Variants in ACTR6 observed in about 807,000 individuals in gnomAD.
ACTR6 encodes actin related protein 6, also known as actin-related protein 6.
Under a neutral mutation model 52.5 loss-of-function variants are expected in ACTR6, and 50 were observed. The ratio of observed to expected loss-of-function variants is 0.95; its 90% CI spans 0.76 to 1.20. The LOEUF (loss-of-function observed/expected upper bound fraction) is 1.20. ACTR6 is among the 50% of genes most tolerant of loss of function. The probability of loss-of-function intolerance (pLI) is 0.00; values close to 1 mark genes in which losing one functional copy is unlikely to be tolerated. For missense variants in ACTR6, 344 were observed against 472.4 expected (o/e 0.73, Z 2.52); for synonymous variants, 135 against 147.2 (o/e 0.92, Z 0.60).
intron 10 of ACTR6, among the ~76,000 whole-genome samples, chr12:100,223,230 A>G (rs982759056): frequency 6.6e-6 from 1 of 152,190 alleles, no homozygotes; most frequent in Non-Finnish European, 1.5e-5. Context: ...AGTCCCAGCT[A>G]CTTCGGAGGC....
At position 100,218,590 on chromosome 12, in the gene ACTR6, C is replaced by T. The variant is rs201605898; in HGVS notation, c.922+4C>T. ...TCAATTCAAAATCTACCTGAAGGTA[C>T]ATAAATAGAGTAAAATACTAAAGAA... On this transcript the variant is annotated splice_donor_region_variant and intron_variant, in intron 9 of 10. Transcript: ENST00000188312. The surrounding 1 kb of genome is among the most constrained non-coding windows in gnomAD (Gnocchi z 4.2). The T allele has an allele frequency of 4.3e-4, 633 of 1,471,660 alleles. No individual in the cohort carries two copies. Among genetic ancestry groups the T allele is most frequent in the Non-Finnish European group, 5.4e-4 (591 of 1,103,930 alleles). The allele number at this position is 1,471,660 out of a possible 1,614,324, so 91.2% of individuals were successfully genotyped here.
At position 100,207,587 on chromosome 12, in the gene ACTR6, ATTTG is replaced by A. The variant is rs1246282261; in HGVS notation, c.256-70_256-67del. 1.4e-5 allele frequency: 17 copies of A among 1,248,962 alleles called. No individual in the cohort carries two copies. The African/African-American group carries it at 1.5e-4, about 11-fold the overall frequency. The allele number at this position is 1,248,962 out of a possible 1,614,324, so 77.4% of individuals were successfully genotyped here. The stretch of plus-strand genomic sequence containing the variant: ...CACGATTATTGTGAGGATTAAATAA[ATTTG>A]TTTGTACATGTAAAACAAGTGTTAA... On this transcript the variant is annotated intron_variant, in intron 3 of 10. Coordinates refer to ENST00000188312, the MANE Select transcript of ACTR6 (RefSeq NM_022496.5).
Position 100,205,712 on chromosome 12 carries a change from T to A in ACTR6, c.223T>A (p.Trp75Arg), listed in dbSNP as rs2096113988. The A allele has an allele frequency of 6.6e-7, 1 of 1,523,322 alleles. No individual in the cohort carries two copies. The highest frequency in any genetic ancestry group is 2.0e-5 in the Admixed American group (1 of 49,136). 94.4% of individuals were successfully genotyped at this position (1,523,322 alleles called of 1,614,324 possible). A position where few individuals can be genotyped will look rare whatever the true frequency, so the allele number is the denominator to read the frequency against. The change falls in exon 3 of 11, where the codon TGG (tryptophan) becomes AGG (arginine). Residue 75 changes from tryptophan (W) to arginine (R), a missense_variant. Physicochemically the swap from Trp to Arg is moderately radical, Grantham distance 101. Transcript: ENST00000188312. Reference protein sequence around the residue: ...LVNWDVQRQVWDYLFGKEMYQ... With the variant: ...LVNWDVQRQVRDYLFGKEMYQ... ...GAATTGGGATGTTCAGAGACAAGTTTGGGATTACCTTTTTGGAAAAGAAAT... is the reference window on the plus strand; with the variant it reads ...GAATTGGGATGTTCAGAGACAAGTTAGGGATTACCTTTTTGGAAAAGAAAT...
chr12:100,212,578 A>C, intron 8 of ACTR6, 50 bp downstream of exon 8: 1 of 1,406,678 alleles, frequency 7.1e-7, no homozygotes, highest in Non-Finnish European at 1.0e-6. Flanking sequence ...CCTGTCTATA[A>C]TCCCAGCACT....
intron 1 of ACTR6, 26 bp from the exon 2 acceptor site, chr12:100,204,914 A>G (rs1265096381): frequency 7.0e-7 from 1 of 1,419,958 alleles, no homozygotes. Flanking sequence ...TATTTAGGGG[A>G]TAATTATTTG....
At chr12:100,212,203 T>G in intron 6 of ACTR6, 53 bp from the exon 7 acceptor site, 1 of 1,286,970 alleles carries the variant, frequency 7.8e-7, no homozygotes. Flanking sequence ...CAGATAATTA[T>G]AAATTATGTT....
At chr12:100,202,852 G>A (rs189407780) in intron 1 of ACTR6, among the ~76,000 whole-genome samples, 2 of 147,174 alleles carry the variant, frequency 1.4e-5, no homozygotes, top group Non-Finnish European at 3.0e-5. Flanking sequence ...AGCGAGACTC[G>A]GTCTCAAAAA....
chr12:100,222,597 G>A (rs2096129194), intron 10 of ACTR6, among the ~76,000 whole-genome samples: 1 of 152,042 alleles, frequency 6.6e-6, no homozygotes, highest in East Asian at 1.9e-4. Flanking sequence ...TGTCACTTGT[G>A]TGATCATAGC....
intron 6 of ACTR6, 150 bp downstream of exon 6, chr12:100,210,501 T>G: frequency 1.2e-6 from 1 of 812,616 alleles, no homozygotes; most frequent in South Asian, 1.8e-5. Context: ...GGTGCATCAC[T>G]TGAGGCCAGG....
At chr12:100,217,452 T>C (rs1250359690) in intron 8 of ACTR6, among the ~76,000 whole-genome samples, 2 of 152,228 alleles carry the variant, frequency 1.3e-5, no homozygotes, top group East Asian at 1.9e-4. Context: ...ATAAGTCAAA[T>C]GAAATGAATG....
At chr12:100,205,566 A>G (rs1260574398) in intron 2 of ACTR6, 110 bp from the exon 3 acceptor site, 1 of 670,852 alleles carries the variant, frequency 1.5e-6, no homozygotes, top group Non-Finnish European at 2.4e-6. Context: ...CATAGATAGA[A>G]ATCAGTGATT....
In ACTR6 at chr12:100,218,672, T is replaced by G. The variant is rs2096125697; in HGVS notation, c.922+86T>G. On this transcript the variant is annotated intron_variant, in intron 9 of 10. Transcript: ENST00000188312. The surrounding 1 kb of genome is among the most constrained non-coding windows in gnomAD (Gnocchi z 4.2). ...GTGAACCCTGTTTCCTCTAAATAAT[T>G]TCAGGCAAATTGGTGAGTCTGTTTT... 1.1e-6 allele frequency: 1 copy of G among 875,266 alleles called. No homozygotes were observed. Among genetic ancestry groups the G allele is most frequent in the Admixed American group, 4.0e-5 (1 of 25,170 alleles). 54.2% of individuals were successfully genotyped at this position (875,266 alleles called of 1,614,324 possible). A position where few individuals can be genotyped will look rare whatever the true frequency, so the allele number is the denominator to read the frequency against.
At chr12:100,223,431 T>C (rs1035394379) in intron 10 of ACTR6, among the ~76,000 whole-genome samples, 1 of 152,222 alleles carries the variant, frequency 6.6e-6, no homozygotes, top group Non-Finnish European at 1.5e-5. Flanking sequence ...ACATACAGAA[T>C]TTAGACTCAG....
chr12:100,208,589 TAAATGGAC>T (rs2096117060), intron 4 of ACTR6, among the ~76,000 whole-genome samples: 1 of 152,206 alleles, frequency 6.6e-6, no homozygotes, highest in Non-Finnish European at 1.5e-5. Flanking sequence ...ATCTTAAAAC[TAAATGGAC>T]CCTTAGAGAT....
intron 10 of ACTR6, among the ~76,000 whole-genome samples, chr12:100,222,769 T>C (rs1283209066): frequency 6.6e-6 from 1 of 152,214 alleles, no homozygotes; most frequent in African/African-American, 2.4e-5. Context: ...GGAAAAAGAA[T>C]AGTAGAAACA....
intron 10 of ACTR6, among the ~76,000 whole-genome samples, chr12:100,223,157 G>A (rs528596036): frequency 1.8e-4 from 27 of 152,036 alleles, no homozygotes; most frequent in African/African-American, 6.3e-4. Flanking sequence ...GGCCAACATG[G>A]TGAAACCCCA....
chr12:100,204,853 TC>T, intron 1 of ACTR6, 86 bp from the exon 2 acceptor site: 1 of 809,334 alleles, frequency 1.2e-6, no homozygotes, highest in Non-Finnish European at 2.1e-6. Flanking sequence ...GATACGCTAA[TC>T]TTTTGGCATC....
chr12:100,213,877 G>A (rs1049196308), intron 8 of ACTR6, among the ~76,000 whole-genome samples: 2 of 152,184 alleles, frequency 1.3e-5, no homozygotes, highest in Non-Finnish European at 2.9e-5. Flanking sequence ...TCTTTGGTCA[G>A]AAACATAAGC....
intron 4 of ACTR6, chr12:100,208,734 AATT>A: frequency 4.4e-6 from 2 of 455,928 alleles, no homozygotes; most frequent in South Asian, 3.1e-5. Flanking sequence ...ATGTGTTTGC[AATT>A]ATTATTGTTT....
Sources: allele counts gnomAD v4.1 joint callset (sites outside exome capture counted in the v4.1 genomes callset), GRCh38; gene constraint gnomAD v4.1.1; non-coding constraint Gnocchi (gnomAD v3.1); transcripts MANE v1.5; gene names NCBI Gene and HGNC (gene_info 2026-07-23, HGNC 2026-07-21).